Variants in RSL1D1 observed in about 807,000 individuals in gnomAD.
RSL1D1 encodes ribosomal L1 domain-containing protein 1.
A neutral mutation model predicts 44.6 loss-of-function variants in RSL1D1; 34 were observed. That is an observed-to-expected ratio of 0.76 (90% CI 0.58 to 1.02). The LOEUF is 1.02. RSL1D1 is among the 50% of genes least tolerant of loss of function. The pLI is 0.00. For synonymous variants in RSL1D1, 271 were observed against 207.4 expected (o/e 1.31, Z -2.63); for missense variants, 767 against 568.1 (o/e 1.35, Z -3.56).
In RSL1D1 at chr16:11,836,178, G is replaced by A. The variant is rs947777121; in HGVS notation, c.*1609C>T. 1.3e-5 allele frequency: 2 copies of A among 152,178 alleles called. No homozygotes were observed. Among genetic ancestry groups the A allele is most frequent in the South Asian group, 2.1e-4 (1 of 4,828 alleles). The allele number at this position is 152,178 out of a possible 1,614,324, so 9.4% of individuals were successfully genotyped here. A position where few individuals can be genotyped will look rare whatever the true frequency, so the allele number is the denominator to read the frequency against. On this transcript the variant is annotated 3_prime_UTR_variant, in exon 9 of 9. Coordinates refer to ENST00000571133, the MANE Select transcript of RSL1D1 (RefSeq NM_015659.3). Reference sequence around the variant, plus strand: ...TTCTTTGTTGGATTACCAATAAATAGTGTGGGCTCCCAGAGCTCACGGCCT... The same window carrying A: ...TTCTTTGTTGGATTACCAATAAATAATGTGGGCTCCCAGAGCTCACGGCCT...
intron 5 of RSL1D1, among the ~76,000 whole-genome samples, chr16:11,845,586 T>G (rs1198920976): frequency 6.6e-6 from 1 of 152,188 alleles, no homozygotes; most frequent in African/African-American, 2.4e-5. Context: ...AAAATTCAGC[T>G]TCTAACACAG....
intron 1 of RSL1D1, 130 bp from the exon 2 acceptor site, chr16:11,850,548 A>T: frequency 1.2e-6 from 1 of 842,260 alleles, no homozygotes; most frequent in Non-Finnish European, 1.8e-6. Flanking sequence ...TCCAACTTCT[A>T]TTTCAAGGGG....
intron 2 of RSL1D1, among the ~76,000 whole-genome samples, chr16:11,849,615 C>G (rs1398319464): frequency 6.6e-6 from 1 of 152,048 alleles, no homozygotes; most frequent in African/African-American, 2.4e-5. Flanking sequence ...AGTCTCTGTA[C>G]AAAGGAATAA....
intron 7 of RSL1D1, chr16:11,841,264 A>G (rs1187819835): frequency 6.3e-6 from 1 of 157,730 alleles, no homozygotes; most frequent in Non-Finnish European, 1.4e-5. Flanking sequence ...TTTAAAAATT[A>G]GCTGGGCATG....
chr16:11,847,626 A>AAATCCT, intron 3 of RSL1D1, 42 bp downstream of exon 3: 1 of 1,526,742 alleles, frequency 6.5e-7, no homozygotes, highest in Non-Finnish European at 8.9e-7. Context: ...CGCCTGAATT[A>AAATCCT]AATCCTCTAA....
intron 7 of RSL1D1, among the ~76,000 whole-genome samples, chr16:11,840,303 C>T (rs59568983): frequency 2.6e-5 from 4 of 152,140 alleles, no homozygotes; most frequent in Admixed American, 6.6e-5. Flanking sequence ...CGGTGGCTCA[C>T]GCCTGTAATC....
Position 11,836,513 on chromosome 16 carries a change from TAC to T in RSL1D1, c.*1272_*1273del, listed in dbSNP as rs1413845388. On this transcript the variant is annotated 3_prime_UTR_variant, in exon 9 of 9. Transcript: ENST00000571133. ...AAAAGGTGTTTACTGCCTCAGAATATACTTGACAATTGTGGAAACGTTAGCAA... is the reference window on the plus strand; with the variant it reads ...AAAAGGTGTTTACTGCCTCAGAATATTTGACAATTGTGGAAACGTTAGCAA... 6.6e-6 allele frequency: 1 copy of T among 152,222 alleles called. No homozygotes were observed. Among genetic ancestry groups the T allele is most frequent in the Non-Finnish European group, 1.5e-5 (1 of 68,036 alleles). The allele number at this position is 152,222 out of a possible 1,614,324, so 9.4% of individuals were successfully genotyped here.
At chr16:11,847,373 C>G (rs2053806330) in intron 3 of RSL1D1, among the ~76,000 whole-genome samples, 1 of 151,774 alleles carries the variant, frequency 6.6e-6, no homozygotes, top group African/African-American at 2.4e-5. Flanking sequence ...AGACTCCAAA[C>G]AAACAAAAAA....
intron 5 of RSL1D1, among the ~76,000 whole-genome samples, chr16:11,845,413 ACT>A (rs1411255728): frequency 6.6e-6 from 1 of 152,220 alleles, no homozygotes. Context: ...TGACTGCACC[ACT>A]GAGTGCAGTG....
intron 2 of RSL1D1, among the ~76,000 whole-genome samples, chr16:11,848,878 A>G (rs957303285): frequency 6.6e-6 from 1 of 151,902 alleles, no homozygotes; most frequent in African/African-American, 2.4e-5. Flanking sequence ...CCTGGGTTCA[A>G]ATGATTCTTG....
rs1451239513 is a variant in RSL1D1, at chr16:11,836,874, G to A, written c.*913C>T. ...CAAATGAATATGATGGAGTCCATGT[G>A]AATAATGGTTGAGCAGGTGAGGAAA... is the stretch of plus-strand genomic sequence containing the variant. On this transcript the variant is annotated 3_prime_UTR_variant, in exon 9 of 9. Coordinates refer to ENST00000571133, the MANE Select transcript of RSL1D1 (RefSeq NM_015659.3). 6.6e-6 allele frequency: 1 copy of A among 152,184 alleles called. No individual in the cohort carries two copies. Among genetic ancestry groups the A allele is most frequent in the African/African-American group, 2.4e-5 (1 of 41,446 alleles). 9.4% of individuals were successfully genotyped at this position (152,184 alleles called of 1,614,324 possible).
rs1444640126 is a variant in RSL1D1, at chr16:11,834,095, C to A, written c.*3692G>T. The A allele has an allele frequency of 2.0e-5, 3 of 152,040 alleles. No individual in the cohort carries two copies. The highest frequency in any genetic ancestry group is 4.4e-5 in the Non-Finnish European group (3 of 68,016). The allele number at this position is 152,040 out of a possible 1,614,324, so 9.4% of individuals were successfully genotyped here. A position where few individuals can be genotyped will look rare whatever the true frequency, so the allele number is the denominator to read the frequency against. Reference sequence around the variant, plus strand: ...AGTAGAGATTTCGCCCTCCTCTTGGCCCCCGGGGGAGACTACTGTTGGCTC... The same window carrying A: ...AGTAGAGATTTCGCCCTCCTCTTGGACCCCGGGGGAGACTACTGTTGGCTC... On this transcript the variant is annotated 3_prime_UTR_variant, in exon 9 of 9. Coordinates refer to ENST00000571133, the MANE Select transcript of RSL1D1 (RefSeq NM_015659.3).
chr16:11,849,097 T>A (rs766293162), intron 2 of RSL1D1, among the ~76,000 whole-genome samples: 1 of 151,956 alleles, frequency 6.6e-6, no homozygotes, highest in Non-Finnish European at 1.5e-5. Flanking sequence ...CTTTTAAGAA[T>A]TGAAACAGCC....
intron 8 of RSL1D1, among the ~76,000 whole-genome samples, chr16:11,839,141 G>A (rs928690651): frequency 7.9e-5 from 12 of 151,452 alleles, no homozygotes; most frequent in Non-Finnish European, 1.3e-4. Context: ...CAAGGCGGGC[G>A]GATCACCTGA....
Position 11,841,811 on chromosome 16 carries a change from T to A in RSL1D1, c.739A>T (p.Ser247Cys). The change falls in exon 7 of 9, where the codon AGC becomes TGC. Residue 247 changes from serine to cysteine, a missense_variant. Physicochemically the swap from Ser to Cys is moderately radical, Grantham distance 112. Coordinates refer to ENST00000571133, the MANE Select transcript of RSL1D1 (RefSeq NM_015659.3). Reference sequence around the variant, plus strand: ...GTTTTCACAAACAGGAGTTTCACGCTCTCCCACTTCTGAAACAAAGAAAAG... The same window carrying A: ...GTTTTCACAAACAGGAGTTTCACGCACTCCCACTTCTGAAACAAAGAAAAG... ...LSEKLPEKWE[S>C]VKLLFVKTEK... 6.2e-7 allele frequency: 1 copy of A among 1,613,276 alleles called. No homozygotes were observed. The highest frequency in any genetic ancestry group is 1.1e-5 in the South Asian group (1 of 90,740).
chr16:11,839,674 C>G, intron 8 of RSL1D1, 21 bp downstream of exon 8: 1 of 1,612,324 alleles, frequency 6.2e-7, no homozygotes, highest in Non-Finnish European at 8.5e-7. Context: ...CCATTATGAA[C>G]AGTAAATATT....
chr16:11,837,497 T>G lies in RSL1D1; in HGVS notation c.*290A>C, dbSNP rs1039276454. The G allele has an allele frequency of 1.6e-5, 4 of 245,918 alleles. No individual in the cohort carries two copies. The highest frequency in any genetic ancestry group is 9.5e-5 in the African/African-American group (4 of 42,214). 15.2% of individuals were successfully genotyped at this position (245,918 alleles called of 1,614,324 possible). On this transcript the variant is annotated 3_prime_UTR_variant, in exon 9 of 9. Transcript: ENST00000571133. Reference sequence around the variant, plus strand: ...TCCCTAGTAGCTGGGATTACAGGTGTCCACCACCATGCCCAATTAATTTTT... The same window carrying G: ...TCCCTAGTAGCTGGGATTACAGGTGGCCACCACCATGCCCAATTAATTTTT...
rs375967891 is a variant in RSL1D1, at chr16:11,851,501, C to A, written c.12G>T (p.Ser4=). The stretch of plus-strand genomic sequence containing the variant: ...CTGCAGAAGACAGCGAGGCCGAGGC[C>A]GAATCCTCCATCTTGTTTCCACCTC... MED[S]ASASLSSAAA... The change falls in exon 1 of 9, where the codon TCG becomes TCT. Residue 4 remains serine, a synonymous_variant. Coordinates refer to ENST00000571133, the MANE Select transcript of RSL1D1 (RefSeq NM_015659.3). 1.6e-4 allele frequency: 257 copies of A among 1,613,558 alleles called. No individual in the cohort carries two copies. The highest frequency in any genetic ancestry group is 2.0e-4 in the Non-Finnish European group (240 of 1,179,918).
Position 11,846,164 on chromosome 16 carries a change from G to A in RSL1D1, c.635+337C>T, listed in dbSNP as rs548518966. Among the ~76,000 whole-genome samples the A allele has an allele frequency of 8.2e-4, 125 of 151,678 alleles. 1 individual carries two copies. The highest frequency in any genetic ancestry group is 2.8e-3 in the African/African-American group (116 of 41,472). Reference sequence around the variant, plus strand: ...TCCCAGCACTTTGGGAGGCCAAGGCGGGCGGATCATGAGGTCAGGAGATCG... The same window carrying A: ...TCCCAGCACTTTGGGAGGCCAAGGCAGGCGGATCATGAGGTCAGGAGATCG... On this transcript the variant is annotated intron_variant, in intron 5 of 8. Transcript: ENST00000571133.
Sources: allele counts gnomAD v4.1 joint callset (sites outside exome capture counted in the v4.1 genomes callset), GRCh38; gene constraint gnomAD v4.1.1; transcripts MANE v1.5; gene names NCBI Gene and HGNC (gene_info 2026-07-23, HGNC 2026-07-21).